Variants in EIF4ENIF1 observed in about 807,000 individuals in gnomAD.
EIF4ENIF1 encodes eukaryotic translation initiation factor 4E nuclear import factor 1.
EIF4ENIF1 carries 23 observed loss-of-function variants against 110.5 expected under a neutral mutation model. The ratio of observed to expected loss-of-function variants is 0.21; its 90% confidence interval spans 0.15 to 0.29. The LOEUF is 0.29. EIF4ENIF1 is among the 10% of genes least tolerant of loss of function. The pLI is 1.00. For missense variants in EIF4ENIF1, 1,031 were observed against 1,221.1 expected (o/e 0.84, Z 2.32); for synonymous variants, 440 against 437.0 (o/e 1.01, Z -0.09).
chr22:31,456,408 A>G (rs1466513260), intron 7 of EIF4ENIF1, among the ~76,000 whole-genome samples: 2 of 151,690 alleles, frequency 1.3e-5, no homozygotes, highest in African/African-American at 2.4e-5. Flanking sequence ...TATTTTTAGT[A>G]GAGACGGGGT....
intron 2 of EIF4ENIF1, among the ~76,000 whole-genome samples, chr22:31,485,023 CAT>C (rs1388739350): frequency 6.6e-6 from 1 of 152,198 alleles, no homozygotes; most frequent in African/African-American, 2.4e-5. Context: ...GCTAGGAACA[CAT>C]AATCATTTCA....
At chr22:31,469,648 A>G (rs117047869) in intron 3 of EIF4ENIF1, among the ~76,000 whole-genome samples, 4,067 of 152,258 alleles carry the variant, frequency 0.027, 67 homozygotes, top group Middle Eastern at 0.051. Context: ...ACCAGGCACA[A>G]TGTCTCTGCT....
At chr22:31,471,816 T>G in intron 3 of EIF4ENIF1, 28 bp downstream of exon 3, 3 of 1,559,288 alleles carry the variant, frequency 1.9e-6, no homozygotes, top group Non-Finnish European at 2.6e-6. Flanking sequence ...TGACTAGAAG[T>G]AGTTAAGGAC....
intron 2 of EIF4ENIF1, among the ~76,000 whole-genome samples, chr22:31,487,142 G>C (rs752654860): frequency 6.6e-6 from 1 of 151,716 alleles, no homozygotes; most frequent in Non-Finnish European, 1.5e-5. Flanking sequence ...GAATTCACCT[G>C]TCAGCATTTT....
At chr22:31,446,285 CA>C (rs3068275) in intron 14 of EIF4ENIF1, among the ~76,000 whole-genome samples, 16 of 105,668 alleles carry the variant, frequency 1.5e-4, no homozygotes, top group Admixed American at 2.1e-4. Context: ...AGATTGTCTC[CA>C]AAAAAAAAAA....
At chr22:31,441,453 T>C (rs1035282440) in intron 17 of EIF4ENIF1, among the ~76,000 whole-genome samples, 4 of 145,810 alleles carry the variant, frequency 2.7e-5, no homozygotes, top group East Asian at 2.0e-4. Context: ...GGCAGGAGAA[T>C]TGCTTGAACT....
At chr22:31,482,272 G>T (rs1218638979) in intron 2 of EIF4ENIF1, among the ~76,000 whole-genome samples, 2 of 152,114 alleles carry the variant, frequency 1.3e-5, no homozygotes, top group Non-Finnish European at 2.9e-5. Context: ...TGAATGTTCT[G>T]AGTGTCTCTG....
At chr22:31,478,870 T>C (rs2051697445) in intron 2 of EIF4ENIF1, among the ~76,000 whole-genome samples, 1 of 148,630 alleles carries the variant, frequency 6.7e-6, no homozygotes, top group Admixed American at 6.9e-5. Flanking sequence ...GAGAATAGCG[T>C]GAACCCGGGA....
chr22:31,458,581 G>C lies in EIF4ENIF1; in HGVS notation c.857C>G (p.Ala286Gly). 2.5e-6 allele frequency: 4 copies of C among 1,613,396 alleles called. No homozygotes were observed. The highest frequency in any genetic ancestry group is 3.4e-6 in the Non-Finnish European group (4 of 1,179,640). ...EVEVILAQEP[A>G]ADQEVPRDAV... ...ATCCCTTGGCACTTCCTGATCAGCC[G>C]CAGGCTCCTGTGCAAGGATGACCTC... Residue 286 changes from alanine to glycine, a missense_variant, in exon 7 of 19, where the codon GCG (alanine) becomes GGG (glycine). Ala to Gly is a moderately conservative substitution (Grantham distance 60). Coordinates refer to ENST00000330125, the MANE Select transcript of EIF4ENIF1 (RefSeq NM_019843.4).
At chr22:31,473,291 A>G (rs936499591) in intron 2 of EIF4ENIF1, among the ~76,000 whole-genome samples, 11 of 152,180 alleles carry the variant, frequency 7.2e-5, no homozygotes, top group African/African-American at 1.4e-4. Context: ...TCCCTCACAT[A>G]TAACGGATGC....
rs1258874423 is a variant in EIF4ENIF1, at chr22:31,455,214, T to C, written c.1201A>G (p.Met401Val). ...AAATCCACTTTGGCTTTCTGTAGCA[T>C]TTCTAAAATATCCACTTTATTTTCA... is the stretch of plus-strand genomic sequence containing the variant. ...HAENKVDILE[M>V]LQKAKVDLKP... The change falls in exon 9 of 19, where the codon ATG becomes GTG. Residue 401 changes from methionine to valine, a missense_variant. This residue lies in a region of EIF4ENIF1 where 704 missense variants were observed against 879.7 expected (regional missense o/e 0.80). Coordinates refer to ENST00000330125, the MANE Select transcript of EIF4ENIF1 (RefSeq NM_019843.4). 1 of 1,613,992 alleles carries C rather than the reference T, an allele frequency of 6.2e-7. No homozygotes were observed. Among genetic ancestry groups the C allele is most frequent in the South Asian group, 1.1e-5 (1 of 91,014 alleles).
intron 14 of EIF4ENIF1, among the ~76,000 whole-genome samples, chr22:31,446,084 T>C (rs2050464721): frequency 6.6e-6 from 1 of 150,752 alleles, no homozygotes; most frequent in Admixed American, 6.6e-5. Context: ...AGGCCAGGAA[T>C]TCAAGTCTGG....
chr22:31,440,651 T>G, intron 18 of EIF4ENIF1, 53 bp downstream of exon 18: 1 of 1,569,882 alleles, frequency 6.4e-7, no homozygotes. Flanking sequence ...TCCTCAAAGC[T>G]TCAAGACTCC....
intron 14 of EIF4ENIF1, 25 bp from the exon 15 acceptor site, chr22:31,444,715 T>C (rs776428702): frequency 6.2e-7 from 1 of 1,609,918 alleles, no homozygotes; most frequent in Non-Finnish European, 8.5e-7. Flanking sequence ...ATTATCAGCA[T>C]GAACCCCAAT....
intron 1 of EIF4ENIF1, 32 bp from the exon 2 acceptor site, chr22:31,488,777 G>C: frequency 6.4e-7 from 1 of 1,567,260 alleles, no homozygotes. Flanking sequence ...AATTGTCACC[G>C]AGAACAGTAA....
chr22:31,444,386 C>G, intron 15 of EIF4ENIF1: 1 of 488,730 alleles, frequency 2.0e-6, no homozygotes, highest in South Asian at 2.1e-5. Context: ...ATCATCTCTG[C>G]TGGAACATAT....
intron 2 of EIF4ENIF1, among the ~76,000 whole-genome samples, chr22:31,475,700 G>T: frequency 6.7e-6 from 1 of 149,316 alleles, no homozygotes; most frequent in Admixed American, 6.7e-5. Flanking sequence ...TCCAGCCTGG[G>T]TGACAGAGCG....
chr22:31,475,956 G>C (rs1427128997), intron 2 of EIF4ENIF1, among the ~76,000 whole-genome samples: 7 of 151,966 alleles, frequency 4.6e-5, no homozygotes, highest in Admixed American at 3.3e-4. Context: ...TTGGGGCTGG[G>C]GGGAGGGGTT....
intron 5 of EIF4ENIF1, among the ~76,000 whole-genome samples, chr22:31,463,444 C>CG (rs536726726): frequency 2.0e-3 from 309 of 152,014 alleles, no homozygotes; most frequent in Middle Eastern, 0.017. Flanking sequence ...TTTGGGAGGC[C>CG]GAGGCAGGCC....
Sources: allele counts gnomAD v4.1 joint callset (sites outside exome capture counted in the v4.1 genomes callset), GRCh38; gene constraint gnomAD v4.1.1; regional missense constraint gnomAD v4.1.1; transcripts MANE v1.5; gene names NCBI Gene and HGNC (gene_info 2026-07-23, HGNC 2026-07-21).